DGKB: variants seen among roughly 807,000 people sequenced by gnomAD.
The protein encoded by DGKB is 90 kDa diacylglycerol kinase.
Under a neutral mutation model 114.3 loss-of-function variants are expected in DGKB, and 67 were observed. The observed-to-expected ratio is 0.59, with a 90% CI of 0.48 to 0.72. The LOEUF is 0.72. Ranked by LOEUF, DGKB falls within the 30% of genes least tolerant of loss-of-function variation. The pLI is 0.00. For synonymous variants in DGKB, 398 were observed against 323.1 expected (o/e 1.23, Z -2.49); for missense variants, 907 against 975.2 (o/e 0.93, Z 0.93).
In DGKB at chr7:14,649,183, C is replaced by T. The variant is rs977706217; in HGVS notation, c.1135-18915G>A. Among the ~76,000 whole-genome samples, 63 of 143,864 alleles carry T rather than the reference C, an allele frequency of 4.4e-4. 1 individual carries two copies. The highest frequency in any genetic ancestry group is 1.6e-3 in the African/African-American group (60 of 38,532). The allele number at this position is 143,864 out of a possible 152,430, so 94.4% of individuals were successfully genotyped here. ...CTCCTCGAGAAGGGCAACTGTAAGA[C>T]ACATAATTGTCAGATTCACCAAAGT... On this transcript the variant is annotated intron_variant, in intron 13 of 25. Transcript: ENST00000402815.
intron 2 of DGKB, among the ~76,000 whole-genome samples, chr7:14,769,171 G>C (rs934360526): frequency 7.7e-6 from 1 of 130,188 alleles, no homozygotes; most frequent in Non-Finnish European, 1.6e-5. Flanking sequence ...GGGAAGGGAA[G>C]GAAAGAGAAA....
intron 23 of DGKB, among the ~76,000 whole-genome samples, chr7:14,204,394 G>C (rs1384295279): frequency 6.6e-6 from 1 of 151,928 alleles, no homozygotes; most frequent in Non-Finnish European, 1.5e-5. Context: ...CAAGTAGCTT[G>C]GTGAGCTGAC....
chr7:14,439,865 CAAAAAAA>C (rs756256822), intron 21 of DGKB, among the ~76,000 whole-genome samples: 208 of 104,062 alleles, frequency 2.0e-3, no homozygotes, highest in African/African-American at 6.8e-3. Context: ...ACTCTGTTTC[CAAAAAAA>C]AAAAAAAAAA....
intron 14 of DGKB, among the ~76,000 whole-genome samples, chr7:14,622,233 G>A (rs1162476099): frequency 6.6e-6 from 1 of 151,972 alleles, no homozygotes; most frequent in Non-Finnish European, 1.5e-5. Context: ...CTTGCCTCAC[G>A]TGGCTTCCAG....
chr7:14,648,270 A>G (rs548832430), intron 13 of DGKB, among the ~76,000 whole-genome samples: 4,669 of 152,098 alleles, frequency 0.031, 253 homozygotes, highest in African/African-American at 0.11. Flanking sequence ...AGAGAGCAGT[A>G]GTTCTCCCAG....
rs190577897 is a variant in DGKB at position 14,147,890 on chromosome 7, C to A, written c.*1241G>T. Reference sequence around the variant, plus strand: ...TGAACACCTTCAACAGTGATCTAGGCTGTTGTTTCCAAATAAACATTTGAA... The same window carrying A: ...TGAACACCTTCAACAGTGATCTAGGATGTTGTTTCCAAATAAACATTTGAA... On this transcript the variant is annotated 3_prime_UTR_variant, in exon 26 of 26. Transcript: ENST00000402815. 0.017 allele frequency: 2,587 copies of A among 152,320 alleles called. 37 individuals carry two copies. Among genetic ancestry groups the A allele is most frequent in the Non-Finnish European group, 0.026 (1,790 of 67,974 alleles). The allele number at this position is 152,320 out of a possible 1,614,324, so 9.4% of individuals were successfully genotyped here.
chr7:14,884,656 C>T (rs1854747142), intron 1 of DGKB, among the ~76,000 whole-genome samples: 1 of 151,810 alleles, frequency 6.6e-6, no homozygotes, highest in South Asian at 2.1e-4. Flanking sequence ...AAAAATAAAC[C>T]CTCATCTCAG....
intron 25 of DGKB, among the ~76,000 whole-genome samples, chr7:14,175,058 T>C (rs1030917276): frequency 6.6e-6 from 1 of 152,208 alleles, no homozygotes; most frequent in African/African-American, 2.4e-5. Flanking sequence ...AAAAATTCCT[T>C]CTTACATGCT....
At chr7:14,687,227 C>T (rs1425996737) in intron 9 of DGKB, among the ~76,000 whole-genome samples, 2 of 152,136 alleles carry the variant, frequency 1.3e-5, no homozygotes, top group Admixed American at 1.3e-4. Context: ...CTCATGTCCT[C>T]TGGCAGCATC....
intron 15 of DGKB, among the ~76,000 whole-genome samples, chr7:14,613,860 A>T (rs1451203959): frequency 6.6e-6 from 1 of 152,074 alleles, no homozygotes; most frequent in Non-Finnish European, 1.5e-5. Context: ...GCATGTGTGG[A>T]ATCCATCTTC....
intron 20 of DGKB, among the ~76,000 whole-genome samples, chr7:14,527,333 T>G (rs1232957612): frequency 2.0e-5 from 3 of 152,152 alleles, no homozygotes; most frequent in Non-Finnish European, 4.4e-5. Context: ...GTAATTTGTT[T>G]AGTAAACCTA....
At chr7:14,525,207 C>A (rs1020036814) in intron 20 of DGKB, among the ~76,000 whole-genome samples, 1 of 152,124 alleles carries the variant, frequency 6.6e-6, no homozygotes, top group South Asian at 2.1e-4. Flanking sequence ...ACCATTTCTA[C>A]GATAAGTAAG....
At chr7:14,610,357 T>C (rs188110240) in intron 16 of DGKB, among the ~76,000 whole-genome samples, 3 of 151,954 alleles carry the variant, frequency 2.0e-5, no homozygotes, top group African/African-American at 4.8e-5. Context: ...ATGGGAACAG[T>C]AGACATGGGG....
chr7:14,903,138 A>G (rs1237186831), upstream of DGKB: 1 of 152,156 alleles, frequency 6.6e-6, no homozygotes, highest in East Asian at 1.9e-4. Flanking sequence ...CCTGTTGTCC[A>G]TGACTAACGC....
chr7:14,797,917 G>A (rs76461709), intron 2 of DGKB, among the ~76,000 whole-genome samples: 3 of 152,084 alleles, frequency 2.0e-5, no homozygotes, highest in Non-Finnish European at 4.4e-5. Context: ...AGTGGAATAA[G>A]GTACATGGAC....
At chr7:14,621,535 AATAAC>A (rs1040734298) in intron 14 of DGKB, 41 bp from the exon 15 acceptor site, 1 of 1,175,216 alleles carries the variant, frequency 8.5e-7, no homozygotes, top group Non-Finnish European at 1.2e-6. Flanking sequence ...AAATTAGGAA[AATAAC>A]ATAATAAAAT....
chr7:14,361,182 CAAG>C (rs1815667727), intron 21 of DGKB, among the ~76,000 whole-genome samples: 1 of 151,992 alleles, frequency 6.6e-6, no homozygotes, highest in Non-Finnish European at 1.5e-5. Context: ...AATTCTGTAA[CAAG>C]AAGCATAACT....
chr7:14,259,723 G>A (rs1370517661), intron 23 of DGKB, among the ~76,000 whole-genome samples: 1 of 152,172 alleles, frequency 6.6e-6, no homozygotes. Flanking sequence ...ACCGTGCCCA[G>A]CCAAAGTCAA....
At chr7:14,399,864 T>G (rs1474654197) in intron 21 of DGKB, among the ~76,000 whole-genome samples, 1 of 151,906 alleles carries the variant, frequency 6.6e-6, no homozygotes, top group Non-Finnish European at 1.5e-5. Context: ...ATGAAAGTTT[T>G]TTTTAAACAG....
Sources: gnomAD v4.1 joint callset for allele counts (sites outside exome capture counted in the v4.1 genomes callset) on GRCh38, gnomAD v4.1.1 for gene constraint, MANE v1.5 for transcripts, NCBI Gene and HGNC (gene_info 2026-07-23, HGNC 2026-07-21) for gene names.